SLC2A5: variants seen among roughly 807,000 people sequenced by gnomAD.
SLC2A5 encodes the protein solute carrier family 2, facilitated glucose transporter member 5.
SLC2A5 carries 56 observed loss-of-function variants against 50.3 expected under a neutral mutation model. The ratio of observed to expected loss-of-function variants is 1.11; its 90% CI spans 0.90 to 1.39. SLC2A5 has a LOEUF of 1.39. Among genes scored for constraint, SLC2A5 ranks in the 40% most tolerant of loss-of-function variants. The pLI is 0.00. For missense variants in SLC2A5, 566 were observed against 650.1 expected (o/e 0.87, Z 1.41); for synonymous variants, 269 against 281.9 (o/e 0.95, Z 0.46).
intron 1 of SLC2A5, among the ~76,000 whole-genome samples, chr1:9,059,881 G>C (rs895357002): frequency 1.3e-5 from 2 of 151,878 alleles, no homozygotes; most frequent in Admixed American, 6.6e-5. Flanking sequence ...GAAAGGGAGA[G>C]AAACAATGAT....
At chr1:9,054,687 G>A (rs1338786887) in intron 3 of SLC2A5, among the ~76,000 whole-genome samples, 3 of 152,194 alleles carry the variant, frequency 2.0e-5, no homozygotes, top group Admixed American at 1.3e-4. Flanking sequence ...CACTTTGGGA[G>A]GCCAAGGTGG....
chr1:9,037,525 GA>G lies in SLC2A5; in HGVS notation c.*60del. ...GATATTCACAGACAGCTAGAAGTCA[GA>G]AAAATAAGCCAAAGTGGGAAGCCCC... On this transcript the variant is annotated 3_prime_UTR_variant, in exon 12 of 12. Transcript: ENST00000377424. 1.4e-6 allele frequency: 2 copies of G among 1,456,606 alleles called. No homozygotes were observed. Among genetic ancestry groups the G allele is most frequent in the Non-Finnish European group, 9.6e-7 (1 of 1,041,444 alleles). The allele number at this position is 1,456,606 out of a possible 1,614,324, so 90.2% of individuals were successfully genotyped here.
chr1:9,091,588 A>G (rs1368808591), upstream of SLC2A5, among the ~76,000 whole-genome samples: 2 of 151,102 alleles, frequency 1.3e-5, no homozygotes, highest in Non-Finnish European at 2.9e-5. Context: ...TCAACCCTCT[A>G]TCTCTCTTCA....
Position 9,043,557 on chromosome 1 carries a change from A to G in SLC2A5, c.419-1620T>C, listed in dbSNP as rs182756679. Among the ~76,000 whole-genome samples the G allele has an allele frequency of 1.1e-4, 16 of 152,134 alleles. 1 individual carries two copies. Among genetic ancestry groups the G allele is most frequent in the Admixed American group, 6.5e-4 (10 of 15,272 alleles). ...TTAACAAGAGCCACTTAGCAGCAAG[A>G]GCATCTTGGTGAAGGATATTAATAA... On this transcript the variant is annotated intron_variant, in intron 4 of 11. Transcript: ENST00000377424.
chr1:9,057,282 T>A (rs1207108106), intron 3 of SLC2A5, among the ~76,000 whole-genome samples, 166 bp downstream of exon 3: 15 of 108,886 alleles, frequency 1.4e-4, no homozygotes, highest in African/African-American at 5.6e-4. Flanking sequence ...CAAGACTCCA[T>A]CTCAAAAATT....
At chr1:9,052,577 C>A (rs556836567) in intron 3 of SLC2A5, among the ~76,000 whole-genome samples, 1 of 152,244 alleles carries the variant, frequency 6.6e-6, no homozygotes, top group South Asian at 2.1e-4. Flanking sequence ...TATGTCAATG[C>A]AGGTCTCATC....
At chr1:9,055,853 T>C (rs1055075803) in intron 3 of SLC2A5, among the ~76,000 whole-genome samples, 9 of 151,730 alleles carry the variant, frequency 5.9e-5, no homozygotes, top group African/African-American at 2.2e-4. Context: ...GAGGTGGAGG[T>C]TGCAGTGAGC....
intron 1 of SLC2A5, among the ~76,000 whole-genome samples, chr1:9,087,210 T>C (rs1375640265): frequency 6.8e-6 from 1 of 147,728 alleles, no homozygotes; most frequent in Non-Finnish European, 1.5e-5. Flanking sequence ...ACTTCTTTCT[T>C]TTTTTTTTTT....
At chr1:9,079,293 C>T (rs1466285102) in intron 2 of SLC2A5, among the ~76,000 whole-genome samples, 1 of 152,010 alleles carries the variant, frequency 6.6e-6, no homozygotes, top group Non-Finnish European at 1.5e-5. Flanking sequence ...TGACAAGGTG[C>T]CTATGTGTTT....
chr1:9,061,281 CA>C (rs148475993), intron 1 of SLC2A5, among the ~76,000 whole-genome samples: 25,344 of 107,834 alleles, frequency 0.24, 2,689 homozygotes, highest in East Asian at 0.5. Context: ...GACCCTGTCT[CA>C]AAAAAAAAAA....
rs1224248950 is a variant in SLC2A5 at position 9,038,476 on chromosome 1, T to G, written c.1129A>C (p.Ile377Leu). ...DTVSWMPYIS[I>L]VCVISYVIGH... ...ATGACGTAGGAGATGACACAGACGATGCTGATGTATGGCATCCAGGACACT... is the reference window on the plus strand; with the variant it reads ...ATGACGTAGGAGATGACACAGACGAGGCTGATGTATGGCATCCAGGACACT... The change falls in exon 10 of 12, where the codon ATC (isoleucine) becomes CTC (leucine). Residue 377 changes from isoleucine (I) to leucine (L), a missense_variant. By Grantham distance (5) the Ile-to-Leu change is conservative (BLOSUM62 2). Transcript: ENST00000377424. 1 of 1,613,542 alleles carries G rather than the reference T, an allele frequency of 6.2e-7. No individual in the cohort carries two copies. Among genetic ancestry groups the G allele is most frequent in the African/African-American group, 1.3e-5 (1 of 75,022 alleles).
chr1:9,081,769 T>TA (rs200101065), intron 2 of SLC2A5, among the ~76,000 whole-genome samples: 11 of 150,694 alleles, frequency 7.3e-5, no homozygotes, highest in Admixed American at 2.7e-4. Flanking sequence ...CTATCATACT[T>TA]AAAAAAAAAG....
chr1:9,045,993 T>C (rs1473122548), intron 4 of SLC2A5, among the ~76,000 whole-genome samples: 1 of 151,854 alleles, frequency 6.6e-6, no homozygotes, highest in Non-Finnish European at 1.5e-5. Context: ...TAGTCTCTGT[T>C]TGGGAAATGT....
At chr1:9,091,889 A>C (rs76799504), upstream of SLC2A5, among the ~76,000 whole-genome samples, 5,494 of 152,272 alleles carry the variant, frequency 0.036, 234 homozygotes, top group East Asian at 0.16. Context: ...CCCGACAAGC[A>C]GAACTAGTTG....
chr1:9,040,163 C>A lies in SLC2A5; in HGVS notation c.598G>T (p.Gly200Trp), dbSNP rs772861835. ...DGWPILLGLT[G>W]VPAALQLLLL... is the part of the protein sequence containing the mutation. ...AGGAGCTGCAGCGCCGCGGGGACCCCGGTCAGCCCCAGCAGGATCGGCCAG... is the reference window on the plus strand; with the variant it reads ...AGGAGCTGCAGCGCCGCGGGGACCCAGGTCAGCCCCAGCAGGATCGGCCAG... Residue 200 changes from glycine to tryptophan, a missense_variant, in exon 6 of 12, where the codon GGG (glycine) becomes TGG (tryptophan). Coordinates refer to ENST00000377424, the MANE Select transcript of SLC2A5 (RefSeq NM_003039.3). The surrounding 1 kb of genome is among the most constrained non-coding windows in gnomAD (Gnocchi z 4.3). The A allele has an allele frequency of 5.8e-6, 9 of 1,556,128 alleles. No homozygotes were observed. The East Asian group carries it at 1.9e-4, about 33-fold the overall frequency.
At position 9,038,512 on chromosome 1, in the gene SLC2A5, G is replaced by A. The variant is rs774214469; in HGVS notation, c.1099-6C>T. Reference sequence around the variant, plus strand: ...GGCATCCAGGACACTGTGTCCTGTGGAGAGAAAGCAGTTGGTTCACCTGGA... The same window carrying A: ...GGCATCCAGGACACTGTGTCCTGTGAAGAGAAAGCAGTTGGTTCACCTGGA... On this transcript the variant is annotated splice_polypyrimidine_tract_variant and splice_region_variant and intron_variant, in intron 9 of 11. Coordinates refer to ENST00000377424, the MANE Select transcript of SLC2A5 (RefSeq NM_003039.3). The A allele has an allele frequency of 3.1e-5, 50 of 1,609,994 alleles. No homozygotes were observed. Among genetic ancestry groups the A allele is most frequent in the Non-Finnish European group, 4.2e-5 (49 of 1,176,840 alleles).
chr1:9,069,419 G>A, intron 1 of SLC2A5, 85 bp downstream of exon 1: 1 of 1,393,074 alleles, frequency 7.2e-7, no homozygotes, highest in South Asian at 1.2e-5. Flanking sequence ...AACACCAGGA[G>A]CCCCCCAGCG....
At chr1:9,084,026 C>T (rs1199622754) in intron 2 of SLC2A5, among the ~76,000 whole-genome samples, 1 of 152,060 alleles carries the variant, frequency 6.6e-6, no homozygotes, top group Non-Finnish European at 1.5e-5. Flanking sequence ...CGCCTGTAGT[C>T]CCAGCTACGC....
chr1:9,091,231 C>T (rs1642458696), upstream of SLC2A5, among the ~76,000 whole-genome samples: 1 of 152,158 alleles, frequency 6.6e-6, no homozygotes, highest in Non-Finnish European at 1.5e-5. Flanking sequence ...TTTCTTGCAC[C>T]TAAAACATGC....
Sources: allele counts gnomAD v4.1 joint callset (sites outside exome capture counted in the v4.1 genomes callset), GRCh38; gene constraint gnomAD v4.1.1; non-coding constraint Gnocchi (gnomAD v3.1); transcripts MANE v1.5; gene names NCBI Gene and HGNC (gene_info 2026-07-23, HGNC 2026-07-21).